The following RSPH9 variants were observed in gnomAD, a reference collection of about 807,000 sequenced individuals.
The protein encoded by RSPH9 is radial spoke head protein 9 homolog.
A neutral mutation model predicts 27.0 loss-of-function variants in RSPH9; 27 were observed. The observed-to-expected ratio is 1.00, with a 90% CI of 0.74 to 1.38. The LOEUF (loss-of-function observed/expected upper bound fraction) is 1.38, where lower values mean the gene tolerates loss of function less well. Ranked by LOEUF, RSPH9 falls within the 40% of genes most tolerant of loss-of-function variation. RSPH9 has a pLI of 0.00. For synonymous variants in RSPH9, 145 were observed against 147.7 expected, an observed-to-expected ratio of 0.98 and a Z score of 0.13; for missense variants, 347 against 357.4, an observed-to-expected ratio of 0.97 and a Z score of 0.24.
At position 43,650,533 on chromosome 6, in the gene RSPH9, A is replaced by C. The variant is rs751900140; in HGVS notation, c.386A>C (p.Glu129Ala). 2 of 1,613,994 alleles carry C rather than the reference A, an allele frequency of 1.2e-6. No individual in the cohort carries two copies. Among genetic ancestry groups the C allele is most frequent in the South Asian group, 1.1e-5 (1 of 91,090 alleles). ...GAAGGTGAAAAAGTCTTTGAAGAAG[A>C]AATAGTGGTGAGTGAAGAGGAGAGC... ...VNEGEKVFEE[E>A]IVVQIKEETR... The change falls in exon 2 of 5, where the codon GAA becomes GCA. Residue 129 changes from glutamate to alanine, a missense_variant. Glu to Ala is a moderately radical substitution (Grantham distance 107). Transcript: ENST00000372163.
rs564033195 is a variant in RSPH9 at position 43,672,127 on chromosome 6, T to C, written c.*1178T>C. 1.5e-5 allele frequency: 9 copies of C among 605,226 alleles called. No homozygotes were observed. The highest frequency in any genetic ancestry group is 1.3e-4 in the African/African-American group (7 of 53,906). The allele number at this position is 605,226 out of a possible 1,614,324, so 37.5% of individuals were successfully genotyped here. Reference sequence around the variant, plus strand: ...CTGCCGCAAGCCTGTGTGGCCAGGTTCAGGCAGCCCAGGGCCACAAGCTCC... The same window carrying C: ...CTGCCGCAAGCCTGTGTGGCCAGGTCCAGGCAGCCCAGGGCCACAAGCTCC... On this transcript the variant is annotated 3_prime_UTR_variant, in exon 5 of 5. Transcript: ENST00000372163.
chr6:43,646,964 A>G (rs1770940435), intron 1 of RSPH9, among the ~76,000 whole-genome samples: 1 of 135,412 alleles, frequency 7.4e-6, no homozygotes, highest in South Asian at 2.2e-4. Flanking sequence ...CAAAAAAAAA[A>G]AAAGAAAAAA....
chr6:43,650,571 T>C (rs868204071), intron 2 of RSPH9, 31 bp downstream of exon 2: 1 of 1,611,962 alleles, frequency 6.2e-7, no homozygotes, highest in South Asian at 1.1e-5. Flanking sequence ...GAGGAGGGCC[T>C]AAAAGAGAGC....
intron 4 of RSPH9, among the ~76,000 whole-genome samples, chr6:43,668,237 G>A (rs1223390825): frequency 1.3e-5 from 2 of 152,178 alleles, no homozygotes; most frequent in Non-Finnish European, 2.9e-5. Context: ...TAAGAAAGTG[G>A]GTGAAGGTGA....
chr6:43,672,448 T>G lies in RSPH9; in HGVS notation c.*1499T>G, dbSNP rs1773786033. On this transcript the variant is annotated 3_prime_UTR_variant, in exon 5 of 5. Coordinates refer to ENST00000372163, the MANE Select transcript of RSPH9 (RefSeq NM_152732.5). ...CAGCCCTAGCCTAGGAAGGTTCCTG[T>G]AAATAGGAGGGGGGTGGGGAAAGAT... 1 of 470,560 alleles carries G rather than the reference T, an allele frequency of 2.1e-6. No individual in the cohort carries two copies. The highest frequency in any genetic ancestry group is 2.0e-5 in the African/African-American group (1 of 50,104). 29.1% of individuals were successfully genotyped at this position (470,560 alleles called of 1,614,324 possible). A position where few individuals can be genotyped will look rare whatever the true frequency, so the allele number is the denominator to read the frequency against.
chr6:43,656,213 G>A (rs1239513776), intron 3 of RSPH9, among the ~76,000 whole-genome samples: 1 of 152,048 alleles, frequency 6.6e-6, no homozygotes, highest in Non-Finnish European at 1.5e-5. Flanking sequence ...AGCCTCCCGA[G>A]TAGCTGGGAT....
Position 43,672,183 on chromosome 6 carries a change from G to C in RSPH9, c.*1234G>C. 1.9e-6 allele frequency: 1 copy of C among 531,078 alleles called. No homozygotes were observed. Among genetic ancestry groups the C allele is most frequent in the Non-Finnish European group, 3.5e-6 (1 of 284,204 alleles). The allele number at this position is 531,078 out of a possible 1,614,324, so 32.9% of individuals were successfully genotyped here. On this transcript the variant is annotated 3_prime_UTR_variant, in exon 5 of 5. Coordinates refer to ENST00000372163, the MANE Select transcript of RSPH9 (RefSeq NM_152732.5). ...TCTTTGTAAATGTCAATGTTGGTGT[G>C]TGTTTGCTGAGGAAAAGGTGGCGAA... is the stretch of plus-strand genomic sequence containing the variant.
At position 43,672,478 on chromosome 6, in the gene RSPH9, G is replaced by T. The variant is rs568013540; in HGVS notation, c.*1529G>T. On this transcript the variant is annotated 3_prime_UTR_variant, in exon 5 of 5. Transcript: ENST00000372163. ...AGGAGGGGGGTGGGGAAAGATGGCT[G>T]CCGCCCATGGACCTTTGGCCTCCTT... 6.4e-6 allele frequency: 3 copies of T among 468,848 alleles called. No individual in the cohort carries two copies. The highest frequency in any genetic ancestry group is 4.7e-5 in the South Asian group (3 of 64,478). 29.0% of individuals were successfully genotyped at this position (468,848 alleles called of 1,614,324 possible).
At chr6:43,652,043 A>G (rs1771526949) in intron 2 of RSPH9, among the ~76,000 whole-genome samples, 1 of 151,420 alleles carries the variant, frequency 6.6e-6, no homozygotes, top group Non-Finnish European at 1.5e-5. Flanking sequence ...ACGGTGGCTC[A>G]TGCCTGTAAT....
intron 2 of RSPH9, 38 bp downstream of exon 2, chr6:43,650,578 G>C (rs1771340450): frequency 1.2e-6 from 2 of 1,611,322 alleles, no homozygotes; most frequent in Non-Finnish European, 1.7e-6. Context: ...GCCTAAAAGA[G>C]AGCCTGGGCT....
intron 2 of RSPH9, 73 bp from the exon 3 acceptor site, chr6:43,655,489 G>T (rs1039953304): frequency 6.3e-7 from 1 of 1,576,002 alleles, no homozygotes; most frequent in Admixed American, 1.7e-5. Context: ...TGAGATGGCC[G>T]TGCAGAGGGA....
chr6:43,650,281 C>G, intron 1 of RSPH9, 94 bp from the exon 2 acceptor site: 1 of 1,484,512 alleles, frequency 6.7e-7, no homozygotes, highest in Non-Finnish European at 9.3e-7. Flanking sequence ...AACAGCTTTT[C>G]CTGGGCCCAA....
intron 4 of RSPH9, among the ~76,000 whole-genome samples, chr6:43,658,389 G>T (rs111723769): frequency 2.0e-5 from 3 of 150,454 alleles, no homozygotes; most frequent in African/African-American, 7.3e-5. Context: ...AGTGAACATC[G>T]CAATAAAGTG....
intron 4 of RSPH9, among the ~76,000 whole-genome samples, chr6:43,665,593 C>T (rs558163437): frequency 6.1e-4 from 93 of 152,292 alleles, no homozygotes; most frequent in South Asian, 1.7e-3. Context: ...GCATCCTGCC[C>T]TGATGGTGAC....
At chr6:43,650,133 G>GA (rs1015365772) in intron 1 of RSPH9, among the ~76,000 whole-genome samples, 2 of 152,136 alleles carry the variant, frequency 1.3e-5, no homozygotes, top group African/African-American at 4.8e-5. Context: ...AGGCTGGTCT[G>GA]AAAGTCCTAA....
chr6:43,664,029 A>G (rs1283749979), intron 4 of RSPH9, among the ~76,000 whole-genome samples: 4 of 149,416 alleles, frequency 2.7e-5, no homozygotes, highest in African/African-American at 7.3e-5. Context: ...AATGTCTCGA[A>G]AAAAAAAAAA....
chr6:43,659,746 T>A lies in RSPH9; in HGVS notation c.670+3023T>A, dbSNP rs1772417554. ...ATTTTTATTTATTATTATTATTATT[T>A]TTTGAAATGGAGTCTCACTCTATCG... On this transcript the variant is annotated intron_variant, in intron 4 of 4. Transcript: ENST00000372163. Among the ~76,000 whole-genome samples, 2 of 151,072 alleles carry A rather than the reference T, an allele frequency of 1.3e-5. 1 individual carries two copies. The highest frequency in any genetic ancestry group is 4.2e-4 in the South Asian group (2 of 4,802).
At chr6:43,646,516 A>G (rs1214804470) in intron 1 of RSPH9, among the ~76,000 whole-genome samples, 1 of 151,130 alleles carries the variant, frequency 6.6e-6, no homozygotes, top group Non-Finnish European at 1.5e-5. Context: ...GCCTCAAGTA[A>G]TCCACCCGCC....
intron 2 of RSPH9, among the ~76,000 whole-genome samples, chr6:43,650,900 G>T: frequency 7.4e-6 from 1 of 135,006 alleles, no homozygotes; most frequent in African/African-American, 3.3e-5. Context: ...GTGAGACCCT[G>T]TCTATAAAAA....
Sources: gnomAD v4.1 joint callset for allele counts (sites outside exome capture counted in the v4.1 genomes callset) on GRCh38, gnomAD v4.1.1 for gene constraint, MANE v1.5 for transcripts, NCBI Gene and HGNC (gene_info 2026-07-23, HGNC 2026-07-21) for gene names.